Variants in FRMD4B observed in about 807,000 individuals in gnomAD.
FRMD4B encodes the protein FERM domain containing 4B.
A neutral mutation model predicts 141.5 loss-of-function variants in FRMD4B; 74 were observed. The ratio of observed to expected loss-of-function variants is 0.52; its 90% CI spans 0.43 to 0.63. The LOEUF is 0.63. Ranked by LOEUF, FRMD4B falls within the 30% of genes least tolerant of loss-of-function variation. FRMD4B has a pLI of 0.00. For missense variants in FRMD4B, 1,366 were observed against 1,253.4 expected (o/e 1.09, Z -1.36); for synonymous variants, 506 against 467.9 (o/e 1.08, Z -1.05).
At chr3:69,353,917 C>T (rs1017236715) in intron 1 of FRMD4B, among the ~76,000 whole-genome samples, 1 of 152,204 alleles carries the variant, frequency 6.6e-6, no homozygotes, top group Admixed American at 6.5e-5. Context: ...ATGTCATCTA[C>T]TGTTTTCTAA....
intron 1 of FRMD4B, among the ~76,000 whole-genome samples, chr3:69,485,350 G>A (rs1355220572): frequency 6.6e-6 from 1 of 152,208 alleles, no homozygotes; most frequent in Non-Finnish European, 1.5e-5. Flanking sequence ...AGGGATGCCT[G>A]GATCTACAGC....
In FRMD4B at chr3:69,484,298, G is replaced by A. The variant is rs1222737268; in HGVS notation, c.-128-51537C>T. ...CAGATTCCCACAGGGGCTGGATGGG[G>A]AAGGTGGAGGCCTGGTTACAAGACA... On this transcript the variant is annotated intron_variant, in intron 1 of 5. Transcript: ENST00000459638. Among the ~76,000 whole-genome samples, 4 of 152,338 alleles carry A rather than the reference G, an allele frequency of 2.6e-5. No homozygotes were observed. In the South Asian group the frequency reaches 6.2e-4, roughly 24 times the overall value.
At chr3:69,400,479 C>T (rs1441970337) in intron 2 of FRMD4B, among the ~76,000 whole-genome samples, 1 of 152,076 alleles carries the variant, frequency 6.6e-6, no homozygotes, top group Non-Finnish European at 1.5e-5. Context: ...GGTCTGGAAG[C>T]ATTTTCCAAG....
At chr3:69,204,251 C>T (rs2092999837) in intron 11 of FRMD4B, among the ~76,000 whole-genome samples, 1 of 152,126 alleles carries the variant, frequency 6.6e-6, no homozygotes, top group African/African-American at 2.4e-5. Flanking sequence ...ATGAAAGACC[C>T]AGGGAAAGCC....
intron 1 of FRMD4B, among the ~76,000 whole-genome samples, chr3:69,443,248 AC>A (rs1325696650): frequency 6.6e-6 from 1 of 152,042 alleles, no homozygotes; most frequent in African/African-American, 2.4e-5. Context: ...CTCCATAAAA[AC>A]CCTGAACAAT....
intron 5 of FRMD4B, among the ~76,000 whole-genome samples, chr3:69,267,626 TATATATATATAGAGAG>T (rs2093572011): frequency 7.2e-5 from 1 of 13,926 alleles, no homozygotes; most frequent in Non-Finnish European, 1.6e-4. Context: ...TATATATATA[TATATATATATAGAGAG>T]AGAGAGAGAG....
chr3:69,310,581 CAG>C (rs56741050), intron 3 of FRMD4B: 42,184 of 163,538 alleles, frequency 0.26, 4,396 homozygotes, highest in Non-Finnish European at 0.32. Context: ...CACACACACA[CAG>C]AGAGAGAGAG....
intron 5 of FRMD4B, among the ~76,000 whole-genome samples, chr3:69,272,138 C>A (rs1355500388): frequency 6.6e-6 from 1 of 151,846 alleles, no homozygotes; most frequent in African/African-American, 2.4e-5. Flanking sequence ...ATTCACAAGT[C>A]TTTTATTTAT....
At chr3:69,228,805 G>T (rs1376700860) in intron 7 of FRMD4B, among the ~76,000 whole-genome samples, 1 of 149,768 alleles carries the variant, frequency 6.7e-6, no homozygotes, top group African/African-American at 2.5e-5. Flanking sequence ...ATATATTACA[G>T]CCTGGGCAAC....
At chr3:69,423,553 C>T (rs1484137606) in intron 2 of FRMD4B, among the ~76,000 whole-genome samples, 1 of 152,182 alleles carries the variant, frequency 6.6e-6, no homozygotes, top group Non-Finnish European at 1.5e-5. Flanking sequence ...TAGTGCTGAA[C>T]TGCTAAATTA....
At chr3:69,230,307 A>G (rs1434354011) in intron 7 of FRMD4B, among the ~76,000 whole-genome samples, 1 of 152,178 alleles carries the variant, frequency 6.6e-6, no homozygotes, top group East Asian at 1.9e-4. Flanking sequence ...AACAAGGTCT[A>G]GTTTATATGG....
intron 1 of FRMD4B, among the ~76,000 whole-genome samples, chr3:69,478,790 A>T (rs1706054017): frequency 6.6e-6 from 1 of 151,920 alleles, no homozygotes; most frequent in Admixed American, 6.6e-5. Context: ...GATCTGTCTA[A>T]AGTTGACAGT....
intron 2 of FRMD4B, among the ~76,000 whole-genome samples, chr3:69,402,122 C>A (rs1421111567): frequency 6.6e-6 from 1 of 152,140 alleles, no homozygotes; most frequent in East Asian, 1.9e-4. Context: ...TATCCAATAT[C>A]CGTTCTACCC....
intron 7 of FRMD4B, among the ~76,000 whole-genome samples, chr3:69,247,005 C>G (rs933703146): frequency 2.6e-5 from 4 of 152,192 alleles, no homozygotes; most frequent in Non-Finnish European, 5.9e-5. Flanking sequence ...CTCCACCTCC[C>G]CCATAACTAT....
At chr3:69,223,577 A>C (rs891080868) in intron 8 of FRMD4B, among the ~76,000 whole-genome samples, 1 of 152,052 alleles carries the variant, frequency 6.6e-6, no homozygotes, top group Non-Finnish European at 1.5e-5. Context: ...GGTGGCTCAC[A>C]CCTGTAATCC....
chr3:69,336,105 T>TG (rs11437805), intron 1 of FRMD4B, among the ~76,000 whole-genome samples: 67,525 of 151,726 alleles, frequency 0.45, 15,276 homozygotes, highest in Admixed American at 0.5. Flanking sequence ...TAACTTCCCT[T>TG]GGGGGGTGAA....
intron 1 of FRMD4B, among the ~76,000 whole-genome samples, chr3:69,342,967 A>G (rs1468058689): frequency 6.6e-6 from 1 of 152,106 alleles, no homozygotes; most frequent in Non-Finnish European, 1.5e-5. Flanking sequence ...TTTTATTTTT[A>G]GAGACAGGGT....
chr3:69,446,773 C>A (rs1437221415), intron 1 of FRMD4B, among the ~76,000 whole-genome samples: 1 of 152,162 alleles, frequency 6.6e-6, no homozygotes, highest in Non-Finnish European at 1.5e-5. Context: ...CATTGTCACC[C>A]CACAACTAGT....
At chr3:69,499,574 C>G (rs1706458868) in intron 1 of FRMD4B, among the ~76,000 whole-genome samples, 1 of 152,184 alleles carries the variant, frequency 6.6e-6, no homozygotes, top group South Asian at 2.1e-4. Context: ...AAGCTTTATA[C>G]TGATGATGCA....
Sources: allele counts gnomAD v4.1 joint callset (sites outside exome capture counted in the v4.1 genomes callset), GRCh38; gene constraint gnomAD v4.1.1; transcripts MANE v1.5; gene names NCBI Gene and HGNC (gene_info 2026-07-23, HGNC 2026-07-21).